The following OR6B1 variants were observed in gnomAD, a reference collection of about 807,000 sequenced individuals.
OR6B1 encodes the protein olfactory receptor 6B1.
Under a neutral mutation model 15.4 loss-of-function variants are expected in OR6B1, and 15 were observed. The observed-to-expected ratio is 0.97, with a 90% CI of 0.65 to 1.50. The LOEUF (loss-of-function observed/expected upper bound fraction) is 1.50. Among genes scored for constraint, OR6B1 ranks in the 40% most tolerant of loss-of-function variants. OR6B1 has a pLI of 0.00. For missense variants in OR6B1, 384 were observed against 385.0 expected (o/e 1.00, Z 0.02); for synonymous variants, 139 against 144.9 (o/e 0.96, Z 0.29).
Position 144,004,129 on chromosome 7 carries a change from A to T in OR6B1, c.133A>T (p.Ile45Phe). The change falls in exon 2 of 2, where the codon ATC becomes TTC. Residue 45 changes from isoleucine (I) to phenylalanine (F), a missense_variant. Coordinates refer to ENST00000641698, the MANE Select transcript of OR6B1 (RefSeq NM_001005281.3). ...TCTGACAGTGGCTGAAAACGTGATCATCATCCTATTGGTGCTGCAAAATCG... is the reference window on the plus strand; with the variant it reads ...TCTGACAGTGGCTGAAAACGTGATCTTCATCCTATTGGTGCTGCAAAATCG... Reference protein sequence around the residue: ...YILTVAENVIIILLVLQNRPL... With the variant: ...YILTVAENVIFILLVLQNRPL... 1 of 1,614,142 alleles carries T rather than the reference A, an allele frequency of 6.2e-7. No homozygotes were observed. The highest frequency in any genetic ancestry group is 8.5e-7 in the Non-Finnish European group (1 of 1,180,040).
Position 144,004,521 on chromosome 7 carries a change from C to A in OR6B1, c.525C>A (p.Asn175Lys). ...CLSFCGPNVI[N>K]HFFCDISPVL... ...GCTTCTGTGGTCCCAATGTCATCAACCACTTCTTCTGTGACATCTCTCCAG... is the reference window on the plus strand; with the variant it reads ...GCTTCTGTGGTCCCAATGTCATCAAACACTTCTTCTGTGACATCTCTCCAG... The change falls in exon 2 of 2, where the codon AAC (asparagine) becomes AAA (lysine). Residue 175 changes from asparagine (N) to lysine (K), a missense_variant. By Grantham distance (94) the Asn-to-Lys change is moderately conservative. Transcript: ENST00000641698. 1 of 1,614,186 alleles carries A rather than the reference C, an allele frequency of 6.2e-7. No individual in the cohort carries two copies. The highest frequency in any genetic ancestry group is 8.5e-7 in the Non-Finnish European group (1 of 1,180,036).
In OR6B1 at chr7:144,007,705, T is replaced by C. The variant is rs925218587; in HGVS notation, c.*2773T>C. 3 of 151,912 alleles carry C rather than the reference T, an allele frequency of 2.0e-5. No individual in the cohort carries two copies. Among genetic ancestry groups the C allele is most frequent in the Admixed American group, 6.6e-5 (1 of 15,254 alleles). The allele number at this position is 151,912 out of a possible 1,614,324, so 9.4% of individuals were successfully genotyped here. A position where few individuals can be genotyped will look rare whatever the true frequency, so the allele number is the denominator to read the frequency against. ...GTGTGTGTGTGTGTGTGTATACATATATATATCTAACATACATACATATTG... is the reference window on the plus strand; with the variant it reads ...GTGTGTGTGTGTGTGTGTATACATACATATATCTAACATACATACATATTG... On this transcript the variant is annotated 3_prime_UTR_variant, in exon 2 of 2. Coordinates refer to ENST00000641698, the MANE Select transcript of OR6B1 (RefSeq NM_001005281.3).
At chr7:144,001,627 A>G (rs1244732126) in intron 1 of OR6B1, among the ~76,000 whole-genome samples, 1 of 152,214 alleles carries the variant, frequency 6.6e-6, no homozygotes, top group African/African-American at 2.4e-5. Flanking sequence ...TATTGTCTAT[A>G]CTTCAGGATA....
In OR6B1 at chr7:144,007,928, GAGA is replaced by G. The variant is rs1165356669; in HGVS notation, c.*2999_*3001del. The G allele has an allele frequency of 2.6e-5, 4 of 152,156 alleles. No individual in the cohort carries two copies. The highest frequency in any genetic ancestry group is 1.9e-4 in the East Asian group (1 of 5,196). The allele number at this position is 152,156 out of a possible 1,614,324, so 9.4% of individuals were successfully genotyped here. A position where few individuals can be genotyped will look rare whatever the true frequency, so the allele number is the denominator to read the frequency against. On this transcript the variant is annotated 3_prime_UTR_variant, in exon 2 of 2. Transcript: ENST00000641698. ...CTTATATGAGAGAGAAGAGAAAACA[GAGA>G]AGGTGATGTGAAGGTAGAGATAGAG...
Position 144,005,077 on chromosome 7 carries a change from C to T in OR6B1, c.*145C>T, listed in dbSNP as rs1056948297. The T allele has an allele frequency of 4.8e-6, 3 of 626,970 alleles. No individual in the cohort carries two copies. Among genetic ancestry groups the T allele is most frequent in the Non-Finnish European group, 8.3e-6 (3 of 362,264 alleles). 38.8% of individuals were successfully genotyped at this position (626,970 alleles called of 1,614,324 possible). ...ACTTCAATCTCAGGCGCTTGGGTAT[C>T]TGCATCTGTGCATATGGTCAGTGCT... On this transcript the variant is annotated 3_prime_UTR_variant, in exon 2 of 2. Transcript: ENST00000641698.
chr7:144,008,560 G>A lies in OR6B1; in HGVS notation c.*3628G>A, dbSNP rs1443872356. ...TCAAAAGGGGAACCTGGTGGGAAGTGATTGCATCATGGGGGTGGTTCCCCC... is the reference window on the plus strand; with the variant it reads ...TCAAAAGGGGAACCTGGTGGGAAGTAATTGCATCATGGGGGTGGTTCCCCC... On this transcript the variant is annotated 3_prime_UTR_variant, in exon 2 of 2. Coordinates refer to ENST00000641698, the MANE Select transcript of OR6B1 (RefSeq NM_001005281.3). 3.9e-5 allele frequency: 6 copies of A among 152,198 alleles called. No individual in the cohort carries two copies. Among genetic ancestry groups the A allele is most frequent in the Admixed American group, 3.9e-4 (6 of 15,290 alleles). 9.4% of individuals were successfully genotyped at this position (152,198 alleles called of 1,614,324 possible).
chr7:144,002,353 A>G (rs748774570), intron 1 of OR6B1, among the ~76,000 whole-genome samples: 1 of 152,234 alleles, frequency 6.6e-6, no homozygotes, highest in Non-Finnish European at 1.5e-5. Flanking sequence ...GATTTTCTGA[A>G]CTGATAGTAA....
At chr7:144,003,810 C>CACAT in intron 1 of OR6B1, 162 bp from the exon 2 acceptor site, 1 of 592,278 alleles carries the variant, frequency 1.7e-6, no homozygotes, top group Non-Finnish European at 3.0e-6. Context: ...CACACACACA[C>CACAT]GGCTATGTGG....
chr7:144,005,287 G>T lies in OR6B1; in HGVS notation c.*355G>T. On this transcript the variant is annotated 3_prime_UTR_variant, in exon 2 of 2. Transcript: ENST00000641698. ...TAGCTCTGGGGCCAACAAAATAGGTGGTAGCTTCCTGATTTCCCATCTTTC... is the reference window on the plus strand; with the variant it reads ...TAGCTCTGGGGCCAACAAAATAGGTTGTAGCTTCCTGATTTCCCATCTTTC... 5.7e-6 allele frequency: 1 copy of T among 176,124 alleles called. No individual in the cohort carries two copies. Among genetic ancestry groups the T allele is most frequent in the Admixed American group, 5.8e-5 (1 of 17,180 alleles). The allele number at this position is 176,124 out of a possible 1,614,324, so 10.9% of individuals were successfully genotyped here.
In OR6B1 at chr7:144,004,773, A is replaced by C. The variant is rs1323231718; in HGVS notation, c.777A>C (p.Arg259=). Residue 259 remains arginine, a synonymous_variant, in exon 2 of 2, where the codon CGA becomes CGC. Transcript: ENST00000641698. ...CAGCCATTATTTTCATGTATGCTCGACCTCGAGTTATCCATGCCTTCAACA... is the reference window on the plus strand; with the variant it reads ...CAGCCATTATTTTCATGTATGCTCGCCCTCGAGTTATCCATGCCTTCAACA... The part of the protein sequence containing the change: ...FYSAIIFMYA[R]PRVIHAFNMN... 9 of 1,614,004 alleles carry C rather than the reference A, an allele frequency of 5.6e-6. No homozygotes were observed. The South Asian group carries it at 8.8e-5, about 16-fold the overall frequency.
rs2050614284 is a variant in OR6B1, at chr7:144,004,908, T to C, written c.912T>C (p.Tyr304=). 6.2e-7 allele frequency: 1 copy of C among 1,605,150 alleles called. No homozygotes were observed. Among genetic ancestry groups the C allele is most frequent in the African/African-American group, 1.3e-5 (1 of 74,908 alleles). The change falls in exon 2 of 2, where the codon TAT becomes TAC. Residue 304 remains tyrosine (Y), a synonymous_variant. Coordinates refer to ENST00000641698, the MANE Select transcript of OR6B1 (RefSeq NM_001005281.3). ...EVKEALKKLA[Y]CQASRSD ...AGGAAGCTCTGAAGAAACTGGCATA[T>C]TGCCAGGCCAGCAGATCTGACTAGT...
At chr7:144,001,040 G>A (rs576732863) in intron 1 of OR6B1, among the ~76,000 whole-genome samples, 36 of 152,282 alleles carry the variant, frequency 2.4e-4, no homozygotes, top group African/African-American at 8.2e-4. Flanking sequence ...TCTTGGCAGG[G>A]GCGGAGGTTA....
chr7:144,002,724 C>G (rs1252363885), intron 1 of OR6B1, among the ~76,000 whole-genome samples: 2 of 152,080 alleles, frequency 1.3e-5, no homozygotes, highest in Non-Finnish European at 2.9e-5. Flanking sequence ...TAATCTTTTG[C>G]TTGTTTCCGA....
At chr7:144,003,153 C>T (rs1349947898) in intron 1 of OR6B1, among the ~76,000 whole-genome samples, 1 of 152,210 alleles carries the variant, frequency 6.6e-6, no homozygotes, top group East Asian at 1.9e-4. Flanking sequence ...CCTTGGATCA[C>T]AGCAGATCCT....
In OR6B1 at chr7:144,004,191, C is replaced by A; in HGVS notation, c.195C>A (p.Asn65Lys). 2 of 1,614,188 alleles carry A rather than the reference C, an allele frequency of 1.2e-6. No homozygotes were observed. Among genetic ancestry groups the A allele is most frequent in the Non-Finnish European group, 1.7e-6 (2 of 1,180,032 alleles). The change falls in exon 2 of 2, where the codon AAC becomes AAA. Residue 65 changes from asparagine (N) to lysine (K), a missense_variant. Coordinates refer to ENST00000641698, the MANE Select transcript of OR6B1 (RefSeq NM_001005281.3). Reference protein sequence around the residue: ...LHKPMYFFLANLSFLETWYIS... With the variant: ...LHKPMYFFLAKLSFLETWYIS... ...AGCCTATGTACTTCTTCCTGGCCAA[C>A]CTGTCCTTCTTGGAGACCTGGTACA...
At position 144,005,158 on chromosome 7, in the gene OR6B1, C is replaced by G; in HGVS notation, c.*226C>G. The G allele has an allele frequency of 2.1e-6, 1 of 477,430 alleles. No individual in the cohort carries two copies. The highest frequency in any genetic ancestry group is 3.7e-6 in the Non-Finnish European group (1 of 269,968). 29.6% of individuals were successfully genotyped at this position (477,430 alleles called of 1,614,324 possible). A position where few individuals can be genotyped will look rare whatever the true frequency, so the allele number is the denominator to read the frequency against. On this transcript the variant is annotated 3_prime_UTR_variant, in exon 2 of 2. Coordinates refer to ENST00000641698, the MANE Select transcript of OR6B1 (RefSeq NM_001005281.3). ...GAAAACAGTTCTCAATGGTTGTGAC[C>G]CCAAATGGGGTTTCTAAGACTGTGA...
Position 144,004,945 on chromosome 7 carries a change from G to A in OR6B1, c.*13G>A. 6.4e-7 allele frequency: 1 copy of A among 1,564,724 alleles called. No individual in the cohort carries two copies. The highest frequency in any genetic ancestry group is 1.7e-4 in the Middle Eastern group (1 of 5,860). ...CAGATCTGACTAGTCAATTACAGCT[G>A]ATTAGAAAGAAAGGTCTGAGTGGGT... On this transcript the variant is annotated 3_prime_UTR_variant, in exon 2 of 2. Transcript: ENST00000641698.
rs1283270903 is a variant in OR6B1 at position 144,006,456 on chromosome 7, A to T, written c.*1524A>T. The T allele has an allele frequency of 6.6e-6, 1 of 152,234 alleles. No homozygotes were observed. The highest frequency in any genetic ancestry group is 1.5e-5 in the Non-Finnish European group (1 of 68,038). 9.4% of individuals were successfully genotyped at this position (152,234 alleles called of 1,614,324 possible). On this transcript the variant is annotated 3_prime_UTR_variant, in exon 2 of 2. Transcript: ENST00000641698. ...AGAAACAAAAATAAAATGCAAGCAC[A>T]ACTTGCTTTAGGGAATAAATGTGCA...
rs192240740 is a variant in OR6B1, at chr7:144,002,537, G to A, written c.-25-1435G>A. On this transcript the variant is annotated intron_variant, in intron 1 of 1. Coordinates refer to ENST00000641698, the MANE Select transcript of OR6B1 (RefSeq NM_001005281.3). Reference sequence around the variant, plus strand: ...TACTGTTAAAGATTCTGCTTCTAACGTGTATCTTAAATCTGCTTCTCTGGA... The same window carrying A: ...TACTGTTAAAGATTCTGCTTCTAACATGTATCTTAAATCTGCTTCTCTGGA... Among the ~76,000 whole-genome samples, 202 of 152,096 alleles carry A rather than the reference G, an allele frequency of 1.3e-3. 1 individual carries two copies. Among genetic ancestry groups the A allele is most frequent in the Non-Finnish European group, 1.7e-3 (115 of 68,030 alleles).
Sources: gnomAD v4.1 joint callset for allele counts (sites outside exome capture counted in the v4.1 genomes callset) on GRCh38, gnomAD v4.1.1 for gene constraint, MANE v1.5 for transcripts, NCBI Gene and HGNC (gene_info 2026-07-23, HGNC 2026-07-21) for gene names.